UBE2V2: variants seen among roughly 807,000 people sequenced by gnomAD.
The protein encoded by UBE2V2 is ubiquitin conjugating enzyme E2 V2.
In UBE2V2, 9 loss-of-function variants were observed where a neutral mutation model predicts 17.2. The observed-to-expected ratio is 0.52, with a 90% CI of 0.32 to 0.91. The LOEUF (loss-of-function observed/expected upper bound fraction) is 0.91. Ranked by LOEUF, UBE2V2 falls within the 40% of genes least tolerant of loss-of-function variation. UBE2V2 has a pLI of 0.04. For missense variants in UBE2V2, 133 were observed against 182.6 expected (o/e 0.73, Z 1.56); for synonymous variants, 61 against 57.5 (o/e 1.06, Z -0.28).
intron 1 of UBE2V2, among the ~76,000 whole-genome samples, chr8:48,031,923 G>A (rs746833895): frequency 1.5e-4 from 23 of 152,118 alleles, no homozygotes; most frequent in Non-Finnish European, 2.8e-4. Flanking sequence ...TGGGATTGCA[G>A]GTGTGAGTAA....
the UBE2V2 span, among the ~76,000 whole-genome samples, chr8:47,998,797 T>C: frequency 1.3e-5 from 2 of 151,716 alleles, no homozygotes; most frequent in Non-Finnish European, 2.9e-5. Context: ...AAAGGAAAAA[T>C]AGACCCAAAG....
intron 3 of UBE2V2, among the ~76,000 whole-genome samples, chr8:48,058,259 G>A (rs1186330405): frequency 6.6e-6 from 1 of 151,984 alleles, no homozygotes; most frequent in Non-Finnish European, 1.5e-5. Context: ...ATGAGGTCAG[G>A]AGTTCGAGAC....
intron 3 of UBE2V2, among the ~76,000 whole-genome samples, chr8:48,055,189 AGTTTC>A (rs1184247007): frequency 6.8e-6 from 1 of 146,696 alleles, no homozygotes; most frequent in Non-Finnish European, 1.5e-5. Context: ...TCTTTTAGTT[AGTTTC>A]TTTTCCTTTT....
At chr8:48,013,310 C>CTT (rs35999178) in intron 1 of UBE2V2, among the ~76,000 whole-genome samples, 28 of 142,460 alleles carry the variant, frequency 2.0e-4, no homozygotes, top group Admixed American at 4.2e-4. Context: ...TAACGTGAAA[C>CTT]TTTTTTTTTT....
intron 1 of UBE2V2, among the ~76,000 whole-genome samples, chr8:48,011,683 G>C (rs1760743952): frequency 6.6e-6 from 1 of 152,172 alleles, no homozygotes; most frequent in African/African-American, 2.4e-5. Flanking sequence ...ACGGAGTCTT[G>C]CTGTGTTGCC....
chr8:48,014,792 C>G (rs189014148), intron 1 of UBE2V2, among the ~76,000 whole-genome samples: 15 of 149,894 alleles, frequency 1.0e-4, no homozygotes, highest in Non-Finnish European at 2.2e-4. Context: ...GGCTCACGCC[C>G]GTAATCCTAG....
chr8:48,035,097 C>T, intron 1 of UBE2V2: 2 of 982,744 alleles, frequency 2.0e-6, no homozygotes, highest in Non-Finnish European at 2.4e-6. Context: ...TTGCTGCTTC[C>T]CTATTTATTC....
At chr8:48,052,160 A>G (rs914432037) in intron 3 of UBE2V2, among the ~76,000 whole-genome samples, 12 of 152,252 alleles carry the variant, frequency 7.9e-5, no homozygotes, top group African/African-American at 2.2e-4. Context: ...ACACTTATCT[A>G]TTTTTAAGAA....
chr8:48,021,421 C>T (rs188679603), intron 1 of UBE2V2, among the ~76,000 whole-genome samples: 19 of 151,718 alleles, frequency 1.3e-4, no homozygotes, highest in African/African-American at 4.3e-4. Context: ...ATTCTCCTGC[C>T]TCATCCTCCT....
chr8:48,055,460 C>G (rs2091566140), intron 3 of UBE2V2, among the ~76,000 whole-genome samples: 1 of 151,990 alleles, frequency 6.6e-6, no homozygotes, highest in Non-Finnish European at 1.5e-5. Context: ...CTCAGCCTAC[C>G]AAAGTGCTGG....
chr8:48,008,373 C>G (rs1286793804), upstream of UBE2V2: 11 of 1,518,006 alleles, frequency 7.2e-6, no homozygotes, highest in Non-Finnish European at 8.8e-6. Flanking sequence ...CGCTGTGACG[C>G]GTGCAGGGCG....
At chr8:48,003,393 A>G in the UBE2V2 span, among the ~76,000 whole-genome samples, 1 of 152,146 alleles carries the variant, frequency 6.6e-6, no homozygotes, top group Admixed American at 6.6e-5. Flanking sequence ...GCTTTAGACC[A>G]AACACTTTAA....
At chr8:48,045,434 A>G (rs965006776) in intron 2 of UBE2V2, among the ~76,000 whole-genome samples, 2 of 152,154 alleles carry the variant, frequency 1.3e-5, no homozygotes, top group Non-Finnish European at 2.9e-5. Flanking sequence ...GTTTGTTCAC[A>G]TTATTCCTGT....
At chr8:48,012,025 T>C (rs1451880172) in intron 1 of UBE2V2, among the ~76,000 whole-genome samples, 1 of 152,158 alleles carries the variant, frequency 6.6e-6, no homozygotes, top group Non-Finnish European at 1.5e-5. Flanking sequence ...AAACTGAGGC[T>C]CAAACAAGTA....
At chr8:48,034,207 C>T (rs1182283316) in intron 1 of UBE2V2, among the ~76,000 whole-genome samples, 4 of 151,260 alleles carry the variant, frequency 2.6e-5, no homozygotes, top group Non-Finnish European at 5.9e-5. Flanking sequence ...CTGCATCCTC[C>T]ACCTCCTGGG....
At chr8:48,016,641 C>A (rs1031345360) in intron 1 of UBE2V2, among the ~76,000 whole-genome samples, 2 of 151,912 alleles carry the variant, frequency 1.3e-5, no homozygotes, top group African/African-American at 2.4e-5. Context: ...CACCACCATG[C>A]CTGGCTAATT....
chr8:48,025,836 G>C (rs1041943822), intron 1 of UBE2V2, among the ~76,000 whole-genome samples: 4 of 151,698 alleles, frequency 2.6e-5, no homozygotes, highest in Admixed American at 6.6e-5. Context: ...TCCTGACCTC[G>C]TGATCCGCCT....
the UBE2V2 span, among the ~76,000 whole-genome samples, chr8:48,000,761 G>T: frequency 2.0e-5 from 3 of 146,488 alleles, no homozygotes; most frequent in African/African-American, 7.6e-5. Context: ...GGCGGAGCCT[G>T]CAGTGAGTGG....
intron 1 of UBE2V2, among the ~76,000 whole-genome samples, chr8:48,026,274 T>C (rs2091344580): frequency 6.6e-6 from 1 of 152,142 alleles, no homozygotes; most frequent in African/African-American, 2.4e-5. Flanking sequence ...AAGTGGTTAC[T>C]AAAATCTAAA....
Sources: gnomAD v4.1 joint callset for allele counts (sites outside exome capture counted in the v4.1 genomes callset) on GRCh38, gnomAD v4.1.1 for gene constraint, MANE v1.5 for transcripts, NCBI Gene and HGNC (gene_info 2026-07-23, HGNC 2026-07-21) for gene names.